The following DACH1 variants were observed in gnomAD, a reference collection of about 807,000 sequenced individuals.
DACH1 encodes dachshund family transcription factor 1.
Under a neutral mutation model 54.2 loss-of-function variants are expected in DACH1, and 12 were observed. The ratio of observed to expected loss-of-function variants is 0.22; its 90% confidence interval spans 0.14 to 0.36. DACH1 has a LOEUF of 0.36. DACH1 is among the 10% of genes least tolerant of loss of function. The probability of loss-of-function intolerance (pLI) is 1.00; values close to 1 mark genes in which losing one functional copy is unlikely to be tolerated. For synonymous variants in DACH1, 386 were observed against 366.2 expected (o/e 1.05, Z -0.62); for missense variants, 805 against 929.8 (o/e 0.87, Z 1.75).
intron 2 of DACH1, among the ~76,000 whole-genome samples, chr13:71,641,677 A>T (rs1877908281): frequency 6.6e-6 from 1 of 152,186 alleles, no homozygotes; most frequent in Admixed American, 6.5e-5. Context: ...CCATAGTCTC[A>T]AATGGTTGGC....
At chr13:71,778,238 A>G (rs1026516452) in intron 1 of DACH1, among the ~76,000 whole-genome samples, 1 of 152,072 alleles carries the variant, frequency 6.6e-6, no homozygotes, top group South Asian at 2.1e-4. Flanking sequence ...AGATTAGACA[A>G]CTCAGTCGGT....
intron 1 of DACH1, among the ~76,000 whole-genome samples, chr13:71,813,694 G>A (rs780009906): frequency 3.9e-5 from 6 of 152,002 alleles, no homozygotes; most frequent in African/African-American, 7.3e-5. Context: ...TCACCTAGGC[G>A]AATATATACA....
intron 6 of DACH1, among the ~76,000 whole-genome samples, chr13:71,546,271 C>T (rs1364183767): frequency 6.6e-6 from 1 of 151,814 alleles, no homozygotes; most frequent in Non-Finnish European, 1.5e-5. Context: ...AGCACTTGTG[C>T]ACCAGATTAC....
At chr13:71,668,743 G>C (rs1312995176) in intron 2 of DACH1, among the ~76,000 whole-genome samples, 1 of 151,948 alleles carries the variant, frequency 6.6e-6, no homozygotes, top group Non-Finnish European at 1.5e-5. Context: ...TGGCCAACAT[G>C]GTGAAACCCT....
At chr13:71,590,309 T>C (rs1873605559) in intron 3 of DACH1, among the ~76,000 whole-genome samples, 1 of 152,174 alleles carries the variant, frequency 6.6e-6, no homozygotes, top group Non-Finnish European at 1.5e-5. Context: ...ACAAAAGTCA[T>C]ACTTATATTG....
rs555167712 is a variant in DACH1 at position 71,694,500 on chromosome 13, C to T, written c.849-12590G>A. Among the ~76,000 whole-genome samples the T allele has an allele frequency of 3.9e-5, 6 of 152,310 alleles. No homozygotes were observed. The South Asian group carries it at 8.3e-4, about 21-fold the overall frequency. The stretch of plus-strand genomic sequence containing the variant: ...CAAACATTGCTGTTAATATGATTTA[C>T]ATTCATTGAATTTTATTTAATTCTT... On this transcript the variant is annotated intron_variant, in intron 1 of 10. Transcript: ENST00000613252.
At chr13:71,712,415 G>T (rs1882762767) in intron 1 of DACH1, among the ~76,000 whole-genome samples, 1 of 151,990 alleles carries the variant, frequency 6.6e-6, no homozygotes, top group Non-Finnish European at 1.5e-5. Context: ...AATAAGAATA[G>T]CTTCAGCTAT....
chr13:71,736,793 A>T (rs1042413572), intron 1 of DACH1, among the ~76,000 whole-genome samples: 3 of 152,224 alleles, frequency 2.0e-5, no homozygotes, highest in Non-Finnish European at 4.4e-5. Flanking sequence ...TTTGATAAAT[A>T]GTTATGGAAC....
chr13:71,761,259 GGTA>G (rs1885388983), intron 1 of DACH1, among the ~76,000 whole-genome samples: 1 of 151,898 alleles, frequency 6.6e-6, no homozygotes, highest in South Asian at 2.1e-4. Context: ...TAAATATCCC[GGTA>G]GTAGTCATTA....
chr13:71,544,200 A>C (rs576744392), intron 6 of DACH1, among the ~76,000 whole-genome samples: 1 of 152,268 alleles, frequency 6.6e-6, no homozygotes, highest in South Asian at 2.1e-4. Flanking sequence ...TAGGTGTGGC[A>C]GAGAGAGAAT....
chr13:71,761,030 C>T (rs542766590), intron 1 of DACH1, among the ~76,000 whole-genome samples: 60 of 151,878 alleles, frequency 4.0e-4, no homozygotes, highest in African/African-American at 1.3e-3. Flanking sequence ...CCTCTATCTA[C>T]TACTCTTTTA....
intron 10 of DACH1, chr13:71,464,551 TTC>T (rs1463309335): frequency 4.8e-6 from 2 of 418,702 alleles, no homozygotes; most frequent in Non-Finnish European, 9.4e-6. Flanking sequence ...ATTTTTTGGC[TTC>T]TCTCAGCACA....
At chr13:71,659,561 T>TA (rs1031239238) in intron 2 of DACH1, among the ~76,000 whole-genome samples, 2 of 152,014 alleles carry the variant, frequency 1.3e-5, no homozygotes, top group Admixed American at 1.3e-4. Context: ...AGAATAACCA[T>TA]AAAAAACAGA....
intron 1 of DACH1, among the ~76,000 whole-genome samples, chr13:71,735,323 A>G (rs558429307): frequency 7.5e-4 from 36 of 47,980 alleles, no homozygotes; most frequent in African/African-American, 1.3e-3. Flanking sequence ...TATATGGGAT[A>G]TACACGTATA....
At chr13:71,564,943 T>C (rs187301447) in intron 4 of DACH1, among the ~76,000 whole-genome samples, 4 of 152,142 alleles carry the variant, frequency 2.6e-5, no homozygotes, top group East Asian at 1.9e-4. Context: ...TTTTTTTGAG[T>C]CAGGGTCTTG....
At chr13:71,769,282 T>C (rs1885759114) in intron 1 of DACH1, among the ~76,000 whole-genome samples, 1 of 151,698 alleles carries the variant, frequency 6.6e-6, no homozygotes, top group Non-Finnish European at 1.5e-5. Context: ...AGATTCCATA[T>C]AAAAACTCTA....
At chr13:71,592,495 A>C in intron 3 of DACH1, among the ~76,000 whole-genome samples, 1 of 111,942 alleles carries the variant, frequency 8.9e-6, no homozygotes, top group African/African-American at 4.9e-5. Context: ...ACTCTATCTC[A>C]AAAAAAAAAA....
At position 71,559,914 on chromosome 13, in the gene DACH1, C is replaced by G. The variant is rs770219700; in HGVS notation, c.1341G>C (p.Glu447Asp). ...GGTGACTGCCAGGCCTTCTCCCCTC[C>G]TCCAGAGAGGGGGCAGGTGAGGGGC... The part of the protein sequence containing the change: ...PDSPSPAPSL[E>D]EGRRPGSHPS... Residue 447 changes from glutamate (E) to aspartate (D), a missense_variant, in exon 5 of 11, where the codon GAG becomes GAC. Coordinates refer to ENST00000613252, the MANE Select transcript of DACH1 (RefSeq NM_080759.6). The G allele has an allele frequency of 3.7e-6, 6 of 1,606,872 alleles. No individual in the cohort carries two copies. In the Admixed American group the frequency reaches 8.4e-5, roughly 23 times the overall value.
At chr13:71,461,264 T>C (rs147419966) in intron 10 of DACH1, among the ~76,000 whole-genome samples, 1,912 of 152,168 alleles carry the variant, frequency 0.013, 21 homozygotes, top group Non-Finnish European at 0.02. Context: ...TGTAGGAAGA[T>C]GGCCCTCAAA....
Sources: allele counts gnomAD v4.1 joint callset (sites outside exome capture counted in the v4.1 genomes callset), GRCh38; gene constraint gnomAD v4.1.1; transcripts MANE v1.5; gene names NCBI Gene and HGNC (gene_info 2026-07-23, HGNC 2026-07-21).